LRP1: variants seen among roughly 807,000 people sequenced by gnomAD.
LRP1 encodes prolow-density lipoprotein receptor-related protein 1.
Under a neutral mutation model 541.5 loss-of-function variants are expected in LRP1, and 51 were observed. That is an observed-to-expected ratio of 0.09 (90% CI 0.08 to 0.12). The LOEUF is 0.12. Ranked by LOEUF, LRP1 falls within the 10% of genes least tolerant of loss-of-function variation. The pLI is 1.00. For missense variants in LRP1, 3,878 were observed against 6,376.2 expected, an observed-to-expected ratio of 0.61 and a Z score of 13.34; for synonymous variants, 2,219 against 2,470.8, an observed-to-expected ratio of 0.90 and a Z score of 3.02.
intron 6 of LRP1, chr12:57,146,780 T>G (rs964190052): frequency 1.3e-5 from 2 of 152,538 alleles, no homozygotes; most frequent in Non-Finnish European, 2.9e-5. Context: ...TCAAGCCTGG[T>G]TGGCTGAGCT....
Position 57,193,278 on chromosome 12 carries a change from A to C in LRP1, c.7658A>C (p.Lys2553Thr). ...TCDGVPHCKD[K>T]SDEKPSYCNS... Reference sequence around the variant, plus strand: ...GACGGCGTCCCCCACTGCAAGGACAAGTCCGATGAGAAGCCATCCTACTGC... The same window carrying C: ...GACGGCGTCCCCCACTGCAAGGACACGTCCGATGAGAAGCCATCCTACTGC... The change falls in exon 46 of 89, where the codon AAG becomes ACG. Residue 2553 changes from lysine to threonine, a missense_variant. Around this residue, in one of 13 missense-constraint regions of LRP1, gnomAD observed 1,100 missense variants for 1,827.4 expected, o/e 0.60. Transcript: ENST00000243077. 6.2e-7 allele frequency: 1 copy of C among 1,613,538 alleles called. No homozygotes were observed. Among genetic ancestry groups the C allele is most frequent in the Non-Finnish European group, 8.5e-7 (1 of 1,180,024 alleles).
At chr12:57,181,106 T>A in intron 33 of LRP1, 51 bp from the exon 34 acceptor site, 1 of 1,590,548 alleles carries the variant, frequency 6.3e-7, no homozygotes, top group Non-Finnish European at 8.6e-7. Context: ...GACCCTGAGG[T>A]CCCAAGGAGG....
At chr12:57,149,287 T>A (rs2136668261) in intron 6 of LRP1, 2 of 441,282 alleles carry the variant, frequency 4.5e-6, no homozygotes, top group East Asian at 6.9e-5. Flanking sequence ...TTAGGCCCCC[T>A]GCATCCTGGC....
At chr12:57,136,890 T>C (rs994540386) in intron 1 of LRP1, among the ~76,000 whole-genome samples, 1 of 152,192 alleles carries the variant, frequency 6.6e-6, no homozygotes, top group Admixed American at 6.5e-5. Flanking sequence ...TTAAATATGA[T>C]GATACATGGA....
In LRP1 at chr12:57,145,450, C is replaced by T. The variant is rs370426547; in HGVS notation, c.801C>T (p.Phe267=). ...CCCGCATGCCTGGCCTAAAGGGCTT[C>T]GTGGATGAGCACACCATCAACATCT... is the stretch of plus-strand genomic sequence containing the variant. ...KCARMPGLKG[F]VDEHTINISL... is the part of the protein sequence containing the mutation. Residue 267 remains phenylalanine, a synonymous_variant, in exon 6 of 89, where the codon TTC becomes TTT. Coordinates refer to ENST00000243077, the MANE Select transcript of LRP1 (RefSeq NM_002332.3). 73 of 1,614,022 alleles carry T rather than the reference C, an allele frequency of 4.5e-5. No homozygotes were observed. The highest frequency in any genetic ancestry group is 1.7e-4 in the African/African-American group (13 of 75,042).
At chr12:57,186,163 A>G (rs764998751) in intron 41 of LRP1, among the ~76,000 whole-genome samples, 39 of 152,130 alleles carry the variant, frequency 2.6e-4, no homozygotes, top group African/African-American at 8.7e-4. Context: ...GTGGAGCCCA[A>G]CGCTCACAAA....
At position 57,197,553 on chromosome 12, in the gene LRP1, C is replaced by A; in HGVS notation, c.9171C>A (p.Asn3057Lys). ...TCACTCCCCAAATCCAGGGCCTGAA[C>A]AACGCCGTTGCCTTGGATTTTGACT... ...SNYTLLKQGL[N>K]NAVALDFDYR... The change falls in exon 58 of 89, where the codon AAC becomes AAA. Residue 3057 changes from asparagine (N) to lysine (K), a missense_variant. By Grantham distance (94) the Asn-to-Lys change is moderately conservative. Transcript: ENST00000243077. The surrounding 1 kb of genome is among the most constrained non-coding windows in gnomAD (Gnocchi z 4.5). The A allele has an allele frequency of 2.5e-6, 4 of 1,614,100 alleles. No individual in the cohort carries two copies. Among genetic ancestry groups the A allele is most frequent in the Non-Finnish European group, 3.4e-6 (4 of 1,180,024 alleles).
In LRP1 at chr12:57,141,411, G is replaced by A; in HGVS notation, c.228G>A (p.Glu76=). Residue 76 remains glutamate (E), a synonymous_variant, in exon 3 of 89, where the codon GAG becomes GAA. Coordinates refer to ENST00000243077, the MANE Select transcript of LRP1 (RefSeq NM_002332.3). ...QSKAQRCQPN[E]HNCLGTELCV... Reference sequence around the variant, plus strand: ...AGGCCCAGCGATGCCAGCCAAACGAGCATAACTGCCTGGGTACTGAGCTGT... The same window carrying A: ...AGGCCCAGCGATGCCAGCCAAACGAACATAACTGCCTGGGTACTGAGCTGT... 4 of 1,614,184 alleles carry A rather than the reference G, an allele frequency of 2.5e-6. No individual in the cohort carries two copies. Among genetic ancestry groups the A allele is most frequent in the Non-Finnish European group, 3.4e-6 (4 of 1,180,032 alleles).
Position 57,195,708 on chromosome 12 carries a change from T to A in LRP1, c.8488T>A (p.Cys2830Ser). The change falls in exon 53 of 89, where the codon TGC becomes AGC. Residue 2830 changes from cysteine (C) to serine (S), a missense_variant. Physicochemically the swap from Cys to Ser is moderately radical, Grantham distance 112. Transcript: ENST00000243077. ...DREFMCQNRQ[C>S]IPKHFVCDHD... is the part of the protein sequence containing the mutation. Reference sequence around the variant, plus strand: ...TGAGTTCATGTGCCAGAACCGCCAGTGCATCCCCAAGCACTTCGTGTGTGA... The same window carrying A: ...TGAGTTCATGTGCCAGAACCGCCAGAGCATCCCCAAGCACTTCGTGTGTGA... 1 of 1,614,152 alleles carries A rather than the reference T, an allele frequency of 6.2e-7. No homozygotes were observed. The highest frequency in any genetic ancestry group is 8.5e-7 in the Non-Finnish European group (1 of 1,180,010).
In LRP1 at chr12:57,184,850, G is replaced by A. The variant is rs778662917; in HGVS notation, c.6198G>A (p.Leu2066=). Residue 2066 remains leucine, a synonymous_variant, in exon 39 of 89, where the codon CTG becomes CTA. Transcript: ENST00000243077. The surrounding 1 kb of genome is among the most constrained non-coding windows in gnomAD (Gnocchi z 7.8). ...GISVDYQDGK[L]YWCDARTDKI... is the part of the protein sequence containing the mutation. Reference sequence around the variant, plus strand: ...CCTCTGGCCTGTAGGATGGGAAGCTGTACTGGTGCGATGCACGGACAGACA... The same window carrying A: ...CCTCTGGCCTGTAGGATGGGAAGCTATACTGGTGCGATGCACGGACAGACA... The A allele has an allele frequency of 1.2e-6, 2 of 1,613,800 alleles. No individual in the cohort carries two copies. The highest frequency in any genetic ancestry group is 2.2e-5 in the South Asian group (2 of 91,062).
At chr12:57,209,054 A>G (rs746495474) in intron 78 of LRP1, 29 bp from the exon 79 acceptor site, 52 of 1,576,870 alleles carry the variant, frequency 3.3e-5, no homozygotes, top group Non-Finnish European at 4.4e-5. Flanking sequence ...GGGGAGGCCA[A>G]GCTCTCACAG....
chr12:57,137,423 T>G (rs899371775), intron 1 of LRP1, among the ~76,000 whole-genome samples: 2 of 152,110 alleles, frequency 1.3e-5, no homozygotes, highest in African/African-American at 2.4e-5. Context: ...TAGAGTTCAT[T>G]TCAGCCATCC....
intron 6 of LRP1, 72 bp downstream of exon 6, chr12:57,145,562 A>T: frequency 6.4e-7 from 1 of 1,557,254 alleles, no homozygotes; most frequent in African/African-American, 1.3e-5. Context: ...CCTATCTTGA[A>T]CAGAGGCCGG....
intron 42 of LRP1, among the ~76,000 whole-genome samples, chr12:57,190,043 C>T (rs2036346398): frequency 6.6e-6 from 1 of 152,182 alleles, no homozygotes; most frequent in African/African-American, 2.4e-5. Context: ...TTCCCATTGC[C>T]TCCTTTACTG....
Position 57,203,275 on chromosome 12 carries a change from C to T in LRP1, c.10806C>T (p.Asp3602=), listed in dbSNP as rs139606559. 96 of 1,606,066 alleles carry T rather than the reference C, an allele frequency of 6.0e-5. No individual in the cohort carries two copies. Among genetic ancestry groups the T allele is most frequent in the African/African-American group, 5.7e-4 (43 of 74,802 alleles). Residue 3602 remains aspartate, a synonymous_variant, in exon 69 of 89, where the codon GAC becomes GAT. Transcript: ENST00000243077. ...GCGATGGAGACCACGACTGCGCGGA[C>T]GGCTCGGACGAGGTGGGCAGGGAGA... ...WKCDGDHDCA[D]GSDEKDCTPR...
rs2036025798 is a variant in LRP1, at chr12:57,175,523, T to C, written c.3611T>C (p.Ile1204Thr). Residue 1204 changes from isoleucine (I) to threonine (T), a missense_variant, in exon 23 of 89, where the codon ATT becomes ACT. Ile to Thr is a moderately conservative substitution (Grantham distance 89). This residue lies in a region of LRP1 where 320 missense variants were observed against 547.9 expected (regional missense o/e 0.58). Transcript: ENST00000243077. ...HNCSVAPGEG[I>T]VCSCPLGMEL... ...TGCTCAGTGGCACCTGGCGAAGGCA[T>C]TGTGTGTTCCTGCCCTCTGGGCATG... is the stretch of plus-strand genomic sequence containing the variant. 3.7e-6 allele frequency: 6 copies of C among 1,614,096 alleles called. No individual in the cohort carries two copies. The highest frequency in any genetic ancestry group is 5.1e-6 in the Non-Finnish European group (6 of 1,180,012).
chr12:57,187,200 C>T, intron 41 of LRP1, 67 bp from the exon 42 acceptor site: 1 of 1,519,786 alleles, frequency 6.6e-7, no homozygotes, highest in Non-Finnish European at 8.9e-7. Flanking sequence ...CAGGCTGTCC[C>T]CCACGGCTCC....
rs1055085284 is a variant in LRP1, at chr12:57,187,567, G to C, written c.7031+111G>C. ...GCAGGAGAGGCAGGCCCTCACTTGA[G>C]CTCCACCCTTCCCTGCTGTGTGATC... On this transcript the variant is annotated intron_variant, in intron 42 of 88. Coordinates refer to ENST00000243077, the MANE Select transcript of LRP1 (RefSeq NM_002332.3). 7.6e-6 allele frequency: 8 copies of C among 1,059,010 alleles called. No homozygotes were observed. In the Admixed American group the frequency reaches 8.0e-5, roughly 11 times the overall value. The allele number at this position is 1,059,010 out of a possible 1,614,324, so 65.6% of individuals were successfully genotyped here.
At position 57,210,156 on chromosome 12, in the gene LRP1, G is replaced by C; in HGVS notation, c.12567G>C (p.Thr4189=). 1 of 1,598,268 alleles carries C rather than the reference G, an allele frequency of 6.3e-7. No homozygotes were observed. Among genetic ancestry groups the C allele is most frequent in the South Asian group, 1.1e-5 (1 of 88,986 alleles). The change falls in exon 81 of 89, where the codon ACG becomes ACC. Residue 4189 remains threonine (T), a synonymous_variant. Coordinates refer to ENST00000243077, the MANE Select transcript of LRP1 (RefSeq NM_002332.3). ...CATGCGTGCCTGTGCCCTCTCCAAC[G>C]CCCCCCCCAGATGGTATGCTTATGC... ...NGTCVPVPSP[T]PPPDAPRPGT... is the part of the protein sequence containing the mutation.
Sources: gnomAD v4.1 joint callset for allele counts (sites outside exome capture counted in the v4.1 genomes callset) on GRCh38, gnomAD v4.1.1 for gene constraint, gnomAD v4.1.1 regional missense constraint, Gnocchi (gnomAD v3.1) non-coding constraint, MANE v1.5 for transcripts, NCBI Gene and HGNC (gene_info 2026-07-23, HGNC 2026-07-21) for gene names.